The following RNF123 variants were observed in gnomAD, a reference collection of about 807,000 sequenced individuals.
RNF123 encodes the protein E3 ubiquitin-protein ligase RNF123.
In RNF123, 86 loss-of-function variants were observed where a neutral mutation model predicts 168.5. The ratio of observed to expected loss-of-function variants is 0.51; its 90% CI spans 0.43 to 0.61. RNF123 has a LOEUF of 0.61. RNF123 is among the 20% of genes least tolerant of loss of function. The probability of loss-of-function intolerance (pLI) is 0.00; values close to 1 mark genes in which losing one functional copy is unlikely to be tolerated. For synonymous variants in RNF123, 666 were observed against 689.1 expected, an observed-to-expected ratio of 0.97 and a Z score of 0.52; for missense variants, 1,419 against 1,729.7, an observed-to-expected ratio of 0.82 and a Z score of 3.19.
chr3:49,701,351 C>G, intron 15 of RNF123, 140 bp from the exon 16 acceptor site: 2 of 711,338 alleles, frequency 2.8e-6, no homozygotes, highest in Non-Finnish European at 5.0e-6. Flanking sequence ...CCCTGGGGGT[C>G]AGACACATAG....
rs932182616 is a variant in RNF123 at position 49,699,246 on chromosome 3, C to A, written c.764+141C>A. ...GTTAGTGGGGGGCCATGTAGAGTGT[C>A]GAAGAAAACTTTCCTCGCAGCAGCC... On this transcript the variant is annotated intron_variant, in intron 10 of 38. Transcript: ENST00000327697. This position sits in a 1 kb window ranked among gnomAD's most constrained non-coding sequence, Gnocchi z 4.8. The A allele has an allele frequency of 4.8e-6, 6 of 1,254,298 alleles. No individual in the cohort carries two copies. Among genetic ancestry groups the A allele is most frequent in the Non-Finnish European group, 6.6e-6 (6 of 915,120 alleles). 77.7% of individuals were successfully genotyped at this position (1,254,298 alleles called of 1,614,324 possible).
chr3:49,704,684 C>T lies in RNF123; in HGVS notation c.1887C>T (p.Asp629=). The change falls in exon 22 of 39, where the codon GAC becomes GAT. Residue 629 remains aspartate (D), a synonymous_variant. Transcript: ENST00000327697. ...DLASKANIVI[D]PLELQSTAMD... The stretch of plus-strand genomic sequence containing the variant: ...CTTCCAAAGCCAACATTGTGATCGA[C>T]CCACTGGAGCTCCAGTCAACCGCCA... 2 of 1,609,252 alleles carry T rather than the reference C, an allele frequency of 1.2e-6. No individual in the cohort carries two copies. The highest frequency in any genetic ancestry group is 1.7e-6 in the Non-Finnish European group (2 of 1,177,840).
At position 49,720,521 on chromosome 3, in the gene RNF123, G is replaced by C; in HGVS notation, c.3511G>C (p.Ala1171Pro). Residue 1171 changes from alanine to proline, a missense_variant, in exon 36 of 39, where the codon GCC (alanine) becomes CCC (proline). Around this residue, in one of 5 missense-constraint regions of RNF123, gnomAD observed 164 missense variants for 152.3 expected, o/e 1.08. Coordinates refer to ENST00000327697, the MANE Select transcript of RNF123 (RefSeq NM_022064.5). ...VRGPASEREQ[A>P]TSVLLADPCF... Reference sequence around the variant, plus strand: ...CCCTCCCCTACCTAGGAGAGAGCAAGCCACATCAGTGCTCCTGGCAGATCC... The same window carrying C: ...CCCTCCCCTACCTAGGAGAGAGCAACCCACATCAGTGCTCCTGGCAGATCC... 1.9e-6 allele frequency: 3 copies of C among 1,593,626 alleles called. No homozygotes were observed. Among genetic ancestry groups the C allele is most frequent in the Non-Finnish European group, 2.6e-6 (3 of 1,168,662 alleles).
At chr3:49,703,032 G>A (rs540800537) in intron 20 of RNF123, among the ~76,000 whole-genome samples, 16 of 152,168 alleles carry the variant, frequency 1.1e-4, no homozygotes, top group Non-Finnish European at 1.9e-4. Context: ...CCATTTCTCT[G>A]TGCGTCCTTT....
intron 21 of RNF123, 45 bp from the exon 22 acceptor site, chr3:49,704,605 C>G (rs1393436974): frequency 6.5e-7 from 1 of 1,527,092 alleles, no homozygotes; most frequent in East Asian, 2.3e-5. Flanking sequence ...ACTGTGGCCC[C>G]TTGCGCCACC....
At chr3:49,718,754 C>T (rs372306225) in intron 35 of RNF123, 5 of 1,613,102 alleles carry the variant, frequency 3.1e-6, no homozygotes, top group Non-Finnish European at 4.2e-6. Context: ...GCGCTCAGGC[C>T]CCGCTGGTGC....
At chr3:49,705,798 C>T (rs2054504860) in intron 24 of RNF123, 119 bp downstream of exon 24, 5 of 1,515,102 alleles carry the variant, frequency 3.3e-6, no homozygotes, top group Non-Finnish European at 4.5e-6. Flanking sequence ...CATGGGAGCA[C>T]ATGCCTCAGC....
chr3:49,707,952 A>G (rs2054550489), intron 26 of RNF123, among the ~76,000 whole-genome samples: 1 of 151,802 alleles, frequency 6.6e-6, no homozygotes, highest in Non-Finnish European at 1.5e-5. Flanking sequence ...GTGACATAAA[A>G]TGTACCATCC....
At chr3:49,702,872 A>AT (rs1575527505) in intron 20 of RNF123, 119 bp downstream of exon 20, 7 of 1,475,398 alleles carry the variant, frequency 4.7e-6, no homozygotes, top group Non-Finnish European at 6.5e-6. Context: ...TGTCCCCGGC[A>AT]TCCTGCCTGG....
chr3:49,691,372 C>T (rs2054161488), intron 2 of RNF123, 53 bp from the exon 3 acceptor site: 4 of 1,605,296 alleles, frequency 2.5e-6, no homozygotes, highest in Non-Finnish European at 3.4e-6. Context: ...CAGCAGGGGC[C>T]AGGAGCTGCA....
intron 3 of RNF123, among the ~76,000 whole-genome samples, chr3:49,695,342 C>T (rs561985073): frequency 1.3e-5 from 2 of 152,152 alleles, no homozygotes; most frequent in Non-Finnish European, 2.9e-5. Context: ...TCAAGTGATT[C>T]TCCCACCTCA....
At chr3:49,705,802 C>T (rs2054504916) in intron 24 of RNF123, 123 bp downstream of exon 24, 1 of 1,505,712 alleles carries the variant, frequency 6.6e-7, no homozygotes, top group Non-Finnish European at 9.1e-7. Context: ...GGAGCACATG[C>T]CTCAGCGAGG....
rs750188673 is a variant in RNF123 at position 49,714,153 on chromosome 3, G to A, written c.2989G>A (p.Ala997Thr). Reference sequence around the variant, plus strand: ...TCTGCTGAAAACCAAACTTGAGGACGCCAATTTGCCCAGCCTCCAGAGTGA... The same window carrying A: ...TCTGCTGAAAACCAAACTTGAGGACACCAATTTGCCCAGCCTCCAGAGTGA... ...PHLLKTKLED[A>T]NLPSLQKPCP... The change falls in exon 31 of 39, where the codon GCC becomes ACC. Residue 997 changes from alanine (A) to threonine (T), a missense_variant. Physicochemically the swap from Ala to Thr is moderately conservative, Grantham distance 58. Around this residue, in one of 5 missense-constraint regions of RNF123, gnomAD observed 538 missense variants for 708.8 expected, o/e 0.76. Transcript: ENST00000327697. The A allele has an allele frequency of 8.7e-6, 14 of 1,614,014 alleles. No individual in the cohort carries two copies. Among genetic ancestry groups the A allele is most frequent in the South Asian group, 5.5e-5 (5 of 91,084 alleles).
In RNF123 at chr3:49,700,230, A is replaced by C. The variant is rs764465692; in HGVS notation, c.988A>C (p.Lys330Gln). 7 of 1,614,036 alleles carry C rather than the reference A, an allele frequency of 4.3e-6. No homozygotes were observed. Among genetic ancestry groups the C allele is most frequent in the Non-Finnish European group, 5.1e-6 (6 of 1,180,008 alleles). ...IFHHFAPLLR[K>Q]VYLVEAVLMS... Reference sequence around the variant, plus strand: ...CCAGTGCCTGGCCTTGGTGCAGCGCAAGGTGTATCTGGTGGAGGCTGTGCT... The same window carrying C: ...CCAGTGCCTGGCCTTGGTGCAGCGCCAGGTGTATCTGGTGGAGGCTGTGCT... The change falls in exon 13 of 39, where the codon AAG becomes CAG. Residue 330 changes from lysine (K) to glutamine (Q), a missense_variant. Transcript: ENST00000327697.
chr3:49,701,412 G>C (rs2054381257), intron 15 of RNF123, 79 bp from the exon 16 acceptor site: 10 of 1,110,630 alleles, frequency 9.0e-6, no homozygotes, highest in Non-Finnish European at 1.4e-5. Flanking sequence ...CACATCCAGG[G>C]ATGGGCTCCT....
intron 25 of RNF123, 98 bp from the exon 26 acceptor site, chr3:49,706,693 C>T: frequency 2.0e-6 from 2 of 1,021,464 alleles, no homozygotes; most frequent in South Asian, 1.4e-5. Flanking sequence ...TTGCCTGCTC[C>T]AGGCACTAGA....
rs769521703 is a variant in RNF123 at position 49,713,543 on chromosome 3, C to A, written c.2705C>A (p.Ala902Asp). The A allele has an allele frequency of 1.5e-5, 24 of 1,612,268 alleles. No individual in the cohort carries two copies. Among genetic ancestry groups the A allele is most frequent in the Non-Finnish European group, 2.0e-5 (24 of 1,179,354 alleles). Residue 902 changes from alanine to aspartate, a missense_variant, in exon 28 of 39, where the codon GCC becomes GAC. Physicochemically the swap from Ala to Asp is moderately radical, Grantham distance 126 (BLOSUM62 -2). Transcript: ENST00000327697. ...GAAGAGACCCTGACCCGCCTGGCTG[C>A]CATTCTCGCCAAACACTTTGCCGAC... ...GYEETLTRLA[A>D]ILAKHFADAR... is the part of the protein sequence containing the mutation.
intron 20 of RNF123, 23 bp from the exon 21 acceptor site, chr3:49,703,404 C>T: frequency 1.2e-6 from 2 of 1,600,802 alleles, no homozygotes; most frequent in Non-Finnish European, 1.7e-6. Context: ...GACCACTGGC[C>T]TAGCCTCCTC....
In RNF123 at chr3:49,715,803, C is replaced by G. The variant is rs760281453; in HGVS notation, c.3151-19C>G. 35 of 1,613,724 alleles carry G rather than the reference C, an allele frequency of 2.2e-5. No individual in the cohort carries two copies. The Middle Eastern group carries it at 8.2e-4, about 38-fold the overall frequency. On this transcript the variant is annotated intron_variant, in intron 32 of 38. Transcript: ENST00000327697. ...GAGCCAGGTGCTGACCACTGCATGC[C>G]CACGTGTTGGTGGCTCAGATCCAGC...
Sources: allele counts gnomAD v4.1 joint callset (sites outside exome capture counted in the v4.1 genomes callset), GRCh38; gene constraint gnomAD v4.1.1; regional missense constraint gnomAD v4.1.1; non-coding constraint Gnocchi (gnomAD v3.1); transcripts MANE v1.5; gene names NCBI Gene and HGNC (gene_info 2026-07-23, HGNC 2026-07-21).